The following GALNT13 variants were observed in gnomAD, a reference collection of about 807,000 sequenced individuals.
GALNT13 encodes the protein UDP-GalNAc:polypeptide N-acetylgalactosaminyltransferase 13.
A neutral mutation model predicts 64.2 loss-of-function variants in GALNT13; 28 were observed. The ratio of observed to expected loss-of-function variants is 0.44; its 90% confidence interval spans 0.32 to 0.60. The LOEUF is 0.60. GALNT13 is among the 20% of genes least tolerant of loss of function. The pLI, the probability that GALNT13 is intolerant of heterozygous loss-of-function variation, is 0.05. For synonymous variants in GALNT13, 214 were observed against 224.6 expected (o/e 0.95, Z 0.42); for missense variants, 577 against 669.8 (o/e 0.86, Z 1.53).
intron 8 of GALNT13, among the ~76,000 whole-genome samples, chr2:154,298,608 T>TA (rs1190599505): frequency 2.6e-4 from 1 of 3,874 alleles, no homozygotes; most frequent in African/African-American, 7.5e-4. Flanking sequence ...AATGTATATA[T>TA]TAATTTATAT....
chr2:153,089,739 A>T, the GALNT13 span, among the ~76,000 whole-genome samples: 1 of 151,822 alleles, frequency 6.6e-6, no homozygotes, highest in Non-Finnish European at 1.5e-5. Context: ...TCTTTCCAGT[A>T]TATTTTGTAC....
chr2:153,826,958 T>A, the GALNT13 span, among the ~76,000 whole-genome samples: 1 of 152,220 alleles, frequency 6.6e-6, no homozygotes, highest in African/African-American at 2.4e-5. Flanking sequence ...ACAAAATTGT[T>A]TTTTGACATG....
intron 9 of GALNT13, among the ~76,000 whole-genome samples, chr2:154,379,341 G>T (rs35706065): frequency 0.58 from 88,215 of 151,598 alleles, 26,006 homozygotes; most frequent in Admixed American, 0.65. Flanking sequence ...CATAAACCAG[G>T]TTTTATCAAA....
chr2:153,684,889 G>A, the GALNT13 span, among the ~76,000 whole-genome samples: 2 of 151,764 alleles, frequency 1.3e-5, no homozygotes, highest in Non-Finnish European at 2.9e-5. Context: ...CCAATTGTGA[G>A]TGTGAACACG....
chr2:153,694,513 G>C, the GALNT13 span, among the ~76,000 whole-genome samples: 2 of 152,100 alleles, frequency 1.3e-5, no homozygotes, highest in African/African-American at 2.4e-5. Context: ...GCACAAAACA[G>C]GACATATGTA....
At chr2:154,030,630 T>C (rs11691115) in intron 3 of GALNT13, among the ~76,000 whole-genome samples, 28,317 of 152,116 alleles carry the variant, frequency 0.19, 3,376 homozygotes, top group Non-Finnish European at 0.26. Context: ...TTGCCACATG[T>C]CAGGGGAGGG....
chr2:153,415,762 G>A, the GALNT13 span, among the ~76,000 whole-genome samples: 1 of 152,164 alleles, frequency 6.6e-6, no homozygotes, highest in African/African-American at 2.4e-5. Context: ...AAACCTTTCT[G>A]TGCTGATAAC....
At chr2:154,204,740 T>G (rs1301948918) in intron 4 of GALNT13, among the ~76,000 whole-genome samples, 1 of 152,242 alleles carries the variant, frequency 6.6e-6, no homozygotes, top group African/African-American at 2.4e-5. Context: ...CCCTTTGTAC[T>G]CTACTATCTA....
At chr2:153,894,709 G>GA (rs1687778160) in intron 1 of GALNT13, among the ~76,000 whole-genome samples, 1 of 152,010 alleles carries the variant, frequency 6.6e-6, no homozygotes, top group African/African-American at 2.4e-5. Flanking sequence ...TCTAAGAGCA[G>GA]AAAAAATGGG....
chr2:153,459,075 A>G, the GALNT13 span, among the ~76,000 whole-genome samples: 1 of 152,174 alleles, frequency 6.6e-6, no homozygotes, highest in African/African-American at 2.4e-5. Context: ...TACTAAAAAA[A>G]TACTAATTGA....
At chr2:153,183,293 G>T in the GALNT13 span, among the ~76,000 whole-genome samples, 4 of 152,144 alleles carry the variant, frequency 2.6e-5, no homozygotes, top group African/African-American at 9.7e-5. Context: ...AGAAGTGTCT[G>T]TTAATGCTCT....
chr2:154,430,257 G>C (rs1336749573), intron 11 of GALNT13, among the ~76,000 whole-genome samples: 2 of 152,138 alleles, frequency 1.3e-5, no homozygotes, highest in African/African-American at 4.8e-5. Context: ...CACAATTCTA[G>C]ATACCGTAAA....
chr2:153,631,951 T>C, the GALNT13 span, among the ~76,000 whole-genome samples: 1 of 151,906 alleles, frequency 6.6e-6, no homozygotes, highest in Non-Finnish European at 1.5e-5. Context: ...TTTAAACCAA[T>C]AATATCAGTA....
chr2:154,414,993 T>A (rs556848498), intron 11 of GALNT13, among the ~76,000 whole-genome samples: 1 of 151,952 alleles, frequency 6.6e-6, no homozygotes, highest in Non-Finnish European at 1.5e-5. Context: ...CTGATATTAA[T>A]TTTTATTTAA....
At chr2:153,507,742 C>A in the GALNT13 span, among the ~76,000 whole-genome samples, 2 of 151,932 alleles carry the variant, frequency 1.3e-5, no homozygotes. Flanking sequence ...GCTAAAGAAC[C>A]TTGTTTTGTC....
intron 2 of GALNT13, among the ~76,000 whole-genome samples, chr2:153,930,347 G>A (rs1690432617): frequency 6.6e-6 from 1 of 152,094 alleles, no homozygotes; most frequent in Admixed American, 6.6e-5. Flanking sequence ...AGTCCCACTT[G>A]GGAATTTTTG....
chr2:153,266,567 G>T, the GALNT13 span, among the ~76,000 whole-genome samples: 4 of 63,852 alleles, frequency 6.3e-5, no homozygotes, highest in Non-Finnish European at 1.4e-4. Context: ...TCTTCACAAG[G>T]TGGCAGGAGA....
the GALNT13 span, among the ~76,000 whole-genome samples, chr2:153,793,616 C>T: frequency 2.0e-5 from 3 of 150,272 alleles, no homozygotes; most frequent in Non-Finnish European, 4.4e-5. Flanking sequence ...TTAGAAAACA[C>T]TCTTCTAAAG....
chr2:154,102,265 C>T (rs1026847117), intron 3 of GALNT13, among the ~76,000 whole-genome samples: 1 of 152,122 alleles, frequency 6.6e-6, no homozygotes, highest in Non-Finnish European at 1.5e-5. Context: ...CTAGTGCTCT[C>T]TTGAAAGCAC....
Sources: gnomAD v4.1 joint callset for allele counts (sites outside exome capture counted in the v4.1 genomes callset) on GRCh38, gnomAD v4.1.1 for gene constraint, MANE v1.5 for transcripts, NCBI Gene and HGNC (gene_info 2026-07-23, HGNC 2026-07-21) for gene names.